MELTF: variants seen among roughly 807,000 people sequenced by gnomAD.
The protein encoded by MELTF is melanotransferrin, also known as antigen p97 (melanoma associated) identified by monoclonal antibodies 133.2 and 96.5.
In MELTF, 67 loss-of-function variants were observed where a neutral mutation model predicts 83.7. That is an observed-to-expected ratio of 0.80 (90% confidence interval 0.66 to 0.98). The LOEUF (loss-of-function observed/expected upper bound fraction) is 0.98. Among genes scored for constraint, MELTF ranks in the 50% least tolerant of loss-of-function variants. The pLI, the probability that MELTF is intolerant of heterozygous loss-of-function variation, is 0.00. For synonymous variants in MELTF, 462 were observed against 447.6 expected (o/e 1.03, Z -0.41); for missense variants, 1,002 against 1,035.6 (o/e 0.97, Z 0.44).
chr3:197,016,542 C>A (rs1218634044), intron 7 of MELTF, among the ~76,000 whole-genome samples, 173 bp from the exon 8 acceptor site: 1 of 152,228 alleles, frequency 6.6e-6, no homozygotes, highest in Non-Finnish European at 1.5e-5. Flanking sequence ...GGCCTCCTTC[C>A]CCTGGGCCCT....
chr3:197,013,566 GAACA>G (rs1719258729), intron 9 of MELTF, among the ~76,000 whole-genome samples: 1 of 152,190 alleles, frequency 6.6e-6, no homozygotes, highest in Non-Finnish European at 1.5e-5. Context: ...AGAAAACAAC[GAACA>G]GAGTGAAATG....
At chr3:197,021,529 C>T in intron 5 of MELTF, 58 bp from the exon 6 acceptor site, 1 of 1,543,124 alleles carries the variant, frequency 6.5e-7, no homozygotes, top group Non-Finnish European at 8.9e-7. Flanking sequence ...GCCCATCTTC[C>T]ACCTCTGGAG....
rs1718872966 is a variant in MELTF, at chr3:197,003,834, C to T, written c.2137+67G>A. On this transcript the variant is annotated intron_variant, in intron 15 of 15. Transcript: ENST00000296350. The surrounding 1 kb of genome is among the most constrained non-coding windows in gnomAD (Gnocchi z 6.2). ...CCCGGACCCGCAGCGCCCCCCGCTCCCTCAGGGTTCTGGGGTGAAGGGGTC... is the reference window on the plus strand; with the variant it reads ...CCCGGACCCGCAGCGCCCCCCGCTCTCTCAGGGTTCTGGGGTGAAGGGGTC... 7 of 1,534,956 alleles carry T rather than the reference C, an allele frequency of 4.6e-6. No individual in the cohort carries two copies. The highest frequency in any genetic ancestry group is 5.3e-6 in the Non-Finnish European group (6 of 1,128,302).
In MELTF at chr3:197,003,909, G is replaced by C. The variant is rs768552718; in HGVS notation, c.2129C>G (p.Ser710Trp). Residue 710 changes from serine to tryptophan, a missense_variant, in exon 15 of 16, where the codon TCG (serine) becomes TGG (tryptophan). By Grantham distance (177) the Ser-to-Trp change is radical. Coordinates refer to ENST00000296350, the MANE Select transcript of MELTF (RefSeq NM_005929.6). This position sits in a 1 kb window ranked among gnomAD's most constrained non-coding sequence, Gnocchi z 6.2. Reference sequence around the variant, plus strand: ...GGGCGGGCCTGTCCTACCTGCGCCCGAGCACTGCTGAGACGACATCCCTTC... The same window carrying C: ...GGGCGGGCCTGTCCTACCTGCGCCCCAGCACTGCTGAGACGACATCCCTTC... ...ALEGMSSQQCSGAAAPAPGAP... is the reference protein window; with the variant it reads ...ALEGMSSQQCWGAAAPAPGAP... 9.3e-6 allele frequency: 15 copies of C among 1,613,500 alleles called. No homozygotes were observed. The highest frequency in any genetic ancestry group is 1.3e-5 in the African/African-American group (1 of 75,056).
chr3:197,013,135 G>C (rs1450268096), intron 9 of MELTF, among the ~76,000 whole-genome samples: 1 of 152,156 alleles, frequency 6.6e-6, no homozygotes, highest in Non-Finnish European at 1.5e-5. Context: ...GCAATCCTAA[G>C]CAAAAAGAAC....
Position 197,008,698 on chromosome 3 carries a change from A to C in MELTF, c.1709T>G (p.Val570Gly). ...GACGGTTGTGTGCCTGACGAAGGCA[A>C]CGTCACCCGCATTCTCCACCAGGCA... ...FRCLVENAGD[V>G]AFVRHTTVFD... is the part of the protein sequence containing the mutation. Residue 570 changes from valine to glycine, a missense_variant, in exon 13 of 16, where the codon GTT becomes GGT. Val to Gly is a moderately radical substitution (Grantham distance 109). Transcript: ENST00000296350. This position sits in a 1 kb window ranked among gnomAD's most constrained non-coding sequence, Gnocchi z 5.4. The C allele has an allele frequency of 6.2e-7, 1 of 1,614,094 alleles. No individual in the cohort carries two copies. The highest frequency in any genetic ancestry group is 8.5e-7 in the Non-Finnish European group (1 of 1,179,988).
chr3:197,011,721 A>G lies in MELTF; in HGVS notation c.1234-927T>C, dbSNP rs1007800437. Among the ~76,000 whole-genome samples the G allele has an allele frequency of 1.3e-5, 2 of 152,124 alleles. No homozygotes were observed. Among genetic ancestry groups the G allele is most frequent in the Admixed American group, 6.5e-5 (1 of 15,276 alleles). On this transcript the variant is annotated intron_variant, in intron 9 of 15. Coordinates refer to ENST00000296350, the MANE Select transcript of MELTF (RefSeq NM_005929.6). This position sits in a 1 kb window ranked among gnomAD's most constrained non-coding sequence, Gnocchi z 4.2. ...CCACAGCCCAGGGCGCTTCTGGCTG[A>G]TGGTCCCTTCCCTGGGTAACTGGCA...
chr3:197,021,567 T>C (rs972573509), intron 5 of MELTF, 96 bp from the exon 6 acceptor site: 1 of 1,132,088 alleles, frequency 8.8e-7, no homozygotes, highest in Non-Finnish European at 1.3e-6. Context: ...GGGGTGGCCA[T>C]GATGGGCATG....
chr3:197,008,657 C>A lies in MELTF; in HGVS notation c.1750G>T (p.Gly584Cys). The A allele has an allele frequency of 1.2e-6, 2 of 1,613,776 alleles. No homozygotes were observed. The highest frequency in any genetic ancestry group is 1.7e-6 in the Non-Finnish European group (2 of 1,179,846). Residue 584 changes from glycine to cysteine, a missense_variant and splice_region_variant, in exon 13 of 16, where the codon GGC (glycine) becomes TGC (cysteine). By Grantham distance (159) the Gly-to-Cys change is radical (BLOSUM62 -3). Coordinates refer to ENST00000296350, the MANE Select transcript of MELTF (RefSeq NM_005929.6). This position sits in a 1 kb window ranked among gnomAD's most constrained non-coding sequence, Gnocchi z 5.4. ...RHTTVFDNTNGHNSEPWAAEL... is the reference protein window; with the variant it reads ...RHTTVFDNTNCHNSEPWAAEL... ...TGGCCCTGCTCTTGCCCCCACCTAC[C>A]GTTTGTGTTGTCAAAGACGGTTGTG...
Position 197,029,716 on chromosome 3 carries a change from C to A in MELTF, c.-14G>T. ...CGGACCCCGCATGGCGCCGTCGGGG[C>A]TGGCTGGGGCCGGGCTGGGGCTGGG... On this transcript the variant is annotated 5_prime_UTR_variant, in exon 1 of 16. Transcript: ENST00000296350. The surrounding 1 kb of genome is among the most constrained non-coding windows in gnomAD (Gnocchi z 6.5). 1 of 1,235,872 alleles carries A rather than the reference C, an allele frequency of 8.1e-7. No homozygotes were observed. The allele number at this position is 1,235,872 out of a possible 1,614,324, so 76.6% of individuals were successfully genotyped here.
In MELTF at chr3:197,021,486, C is replaced by T; in HGVS notation, c.645-15G>A. ...CCGCCAGGCACCTGCGGAGGAGAAG[C>T]TGTGGGTCTGGATGGGCTGAGCCCC... On this transcript the variant is annotated splice_polypyrimidine_tract_variant and intron_variant, in intron 5 of 15. Coordinates refer to ENST00000296350, the MANE Select transcript of MELTF (RefSeq NM_005929.6). 1 of 1,612,974 alleles carries T rather than the reference C, an allele frequency of 6.2e-7. No individual in the cohort carries two copies. Among genetic ancestry groups the T allele is most frequent in the Non-Finnish European group, 8.5e-7 (1 of 1,179,808 alleles).
chr3:197,006,748 A>C lies in MELTF; in HGVS notation c.1751-12T>G, dbSNP rs1718995757. On this transcript the variant is annotated splice_polypyrimidine_tract_variant and intron_variant, in intron 13 of 15. Transcript: ENST00000296350. The surrounding 1 kb of genome is among the most constrained non-coding windows in gnomAD (Gnocchi z 5.4). ...CTCGGAATTGTGGCCTGAGGGGGGT[A>C]AAGCAGTGTGTGTGGGGACGTTCCG... 6.6e-7 allele frequency: 1 copy of C among 1,518,792 alleles called. No individual in the cohort carries two copies. The highest frequency in any genetic ancestry group is 1.4e-5 in the African/African-American group (1 of 70,628). The allele number at this position is 1,518,792 out of a possible 1,614,324, so 94.1% of individuals were successfully genotyped here.
chr3:197,008,326 C>G lies in MELTF; in HGVS notation c.1750+331G>C, dbSNP rs1269950058. On this transcript the variant is annotated intron_variant, in intron 13 of 15. Coordinates refer to ENST00000296350, the MANE Select transcript of MELTF (RefSeq NM_005929.6). The surrounding 1 kb of genome is among the most constrained non-coding windows in gnomAD (Gnocchi z 5.4). ...ACCCTGTGGAGAGGCTCATGCCACT[C>G]CCACCTCACACCTTGGCACTACATC... Among the ~76,000 whole-genome samples, 1 of 152,128 alleles carries G rather than the reference C, an allele frequency of 6.6e-6. No individual in the cohort carries two copies. The highest frequency in any genetic ancestry group is 1.5e-5 in the Non-Finnish European group (1 of 68,026).
Position 197,022,352 on chromosome 3 carries a change from A to C in MELTF, c.644+605T>G, listed in dbSNP as rs1719657011. Among the ~76,000 whole-genome samples the C allele has an allele frequency of 6.6e-6, 1 of 152,138 alleles. No individual in the cohort carries two copies. Among genetic ancestry groups the C allele is most frequent in the Non-Finnish European group, 1.5e-5 (1 of 68,024 alleles). On this transcript the variant is annotated intron_variant, in intron 5 of 15. Transcript: ENST00000296350. The surrounding 1 kb of genome is among the most constrained non-coding windows in gnomAD (Gnocchi z 5.1). The stretch of plus-strand genomic sequence containing the variant: ...AAGGCTGTCCCGCTCAGGGGTGCTG[A>C]GGACTGTTTCTTCTCTCTAAGCCGA...
Position 197,024,224 on chromosome 3 carries a change from A to G in MELTF, c.487+79T>C, listed in dbSNP as rs1398433384. The G allele has an allele frequency of 7.0e-6, 10 of 1,424,524 alleles. No individual in the cohort carries two copies. The East Asian group carries it at 2.1e-4, about 29-fold the overall frequency. 88.2% of individuals were successfully genotyped at this position (1,424,524 alleles called of 1,614,324 possible). A position where few individuals can be genotyped will look rare whatever the true frequency, so the allele number is the denominator to read the frequency against. On this transcript the variant is annotated intron_variant, in intron 4 of 15. Transcript: ENST00000296350. This position sits in a 1 kb window ranked among gnomAD's most constrained non-coding sequence, Gnocchi z 5.3. The stretch of plus-strand genomic sequence containing the variant: ...ATGGTGGCGAGGCCGGAGGGAGGCT[A>G]CCCAGTGAAGGGACGAGCATGGGCC...
chr3:197,005,673 G>A (rs369365012), intron 14 of MELTF, among the ~76,000 whole-genome samples: 31 of 152,220 alleles, frequency 2.0e-4, no homozygotes, highest in African/African-American at 7.2e-4. Flanking sequence ...AGGGAGAGCT[G>A]TGGCCAGTGC....
chr3:197,026,477 G>C, intron 3 of MELTF, 183 bp downstream of exon 3: 2 of 602,590 alleles, frequency 3.3e-6, no homozygotes, highest in South Asian at 1.9e-5. Flanking sequence ...GCAGCTCTCT[G>C]TGTCCCTGGA....
Position 197,003,206 on chromosome 3 carries a change from G to A in MELTF, c.*166C>T. The A allele has an allele frequency of 2.7e-6, 2 of 744,676 alleles. No individual in the cohort carries two copies. The highest frequency in any genetic ancestry group is 3.3e-6 in the Non-Finnish European group (2 of 604,816). The allele number at this position is 744,676 out of a possible 1,614,324, so 46.1% of individuals were successfully genotyped here. A position where few individuals can be genotyped will look rare whatever the true frequency, so the allele number is the denominator to read the frequency against. Reference sequence around the variant, plus strand: ...GCGCGGGCCCGGGGGCGGCGCCTCAGGTAGCAGCGCCAGGTGGCGCCCGTG... The same window carrying A: ...GCGCGGGCCCGGGGGCGGCGCCTCAAGTAGCAGCGCCAGGTGGCGCCCGTG... On this transcript the variant is annotated 3_prime_UTR_variant, in exon 16 of 16. Coordinates refer to ENST00000296350, the MANE Select transcript of MELTF (RefSeq NM_005929.6). The surrounding 1 kb of genome is among the most constrained non-coding windows in gnomAD (Gnocchi z 6.2).
chr3:197,020,489 G>A (rs1006353278), intron 6 of MELTF, among the ~76,000 whole-genome samples: 3 of 149,484 alleles, frequency 2.0e-5, no homozygotes, highest in Non-Finnish European at 3.0e-5. Flanking sequence ...GAACACACAC[G>A]CACACACACA....
Sources: gnomAD v4.1 joint callset for allele counts (sites outside exome capture counted in the v4.1 genomes callset) on GRCh38, gnomAD v4.1.1 for gene constraint, Gnocchi (gnomAD v3.1) non-coding constraint, MANE v1.5 for transcripts, NCBI Gene and HGNC (gene_info 2026-07-23, HGNC 2026-07-21) for gene names.